WDR81: variants seen among roughly 807,000 people sequenced by gnomAD.
The protein encoded by WDR81 is WD repeat domain 81.
In WDR81, 92 loss-of-function variants were observed where a neutral mutation model predicts 140.8. That is an observed-to-expected ratio of 0.65 (90% CI 0.55 to 0.78). The LOEUF (loss-of-function observed/expected upper bound fraction) is 0.78. Among genes scored for constraint, WDR81 ranks in the 30% least tolerant of loss-of-function variants. The pLI is 0.00. For synonymous variants in WDR81, 1,183 were observed against 1,156.4 expected (o/e 1.02, Z -0.47); for missense variants, 2,502 against 2,636.4 (o/e 0.95, Z 1.12).
rs938972960 is a variant in WDR81 at position 1,737,877 on chromosome 17, A to G, written c.*192A>G. On this transcript the variant is annotated 3_prime_UTR_variant, in exon 10 of 10. Transcript: ENST00000409644. ...GGCCCCTGAATCACCAGAGCCACCA[A>G]GCCTGCCAGAGGGGTCTCATTCATG... 2 of 692,924 alleles carry G rather than the reference A, an allele frequency of 2.9e-6. No individual in the cohort carries two copies. The highest frequency in any genetic ancestry group is 4.7e-6 in the Non-Finnish European group (2 of 423,410). 42.9% of individuals were successfully genotyped at this position (692,924 alleles called of 1,614,324 possible). A position where few individuals can be genotyped will look rare whatever the true frequency, so the allele number is the denominator to read the frequency against.
chr17:1,737,787 G>C lies in WDR81; in HGVS notation c.*102G>C. On this transcript the variant is annotated 3_prime_UTR_variant, in exon 10 of 10. Transcript: ENST00000409644. Reference sequence around the variant, plus strand: ...GCAGCTCCCTCCAGGGAGGCCCTGGGTCCCACGCCCTGGGTGCCCACATGG... The same window carrying C: ...GCAGCTCCCTCCAGGGAGGCCCTGGCTCCCACGCCCTGGGTGCCCACATGG... 7.1e-7 allele frequency: 1 copy of C among 1,415,730 alleles called. No individual in the cohort carries two copies. The allele number at this position is 1,415,730 out of a possible 1,614,324, so 87.7% of individuals were successfully genotyped here.
chr17:1,733,794 C>T lies in WDR81; in HGVS notation c.4757C>T (p.Ser1586Leu), dbSNP rs138928092. ...AACCCCGGACCACTGGGCCCCATCT[C>T]GGGGGTGGGTGGCGGGGGCCTGGGC... ...PENPGPLGPI[S>L]GVGGGGLGSG... is the part of the protein sequence containing the mutation. The change falls in exon 7 of 10, where the codon TCG becomes TTG. Residue 1586 changes from serine (S) to leucine (L), a missense_variant. Ser to Leu is a moderately radical substitution (Grantham distance 145). Around this residue, in one of 3 missense-constraint regions of WDR81, gnomAD observed 1,737 missense variants for 1,843.0 expected, o/e 0.94. Coordinates refer to ENST00000409644, the MANE Select transcript of WDR81 (RefSeq NM_001163809.2). 58 of 1,612,164 alleles carry T rather than the reference C, an allele frequency of 3.6e-5. No individual in the cohort carries two copies. Among genetic ancestry groups the T allele is most frequent in the East Asian group, 1.3e-4 (6 of 44,878 alleles).
At position 1,718,016 on chromosome 17, in the gene WDR81, C is replaced by T. The variant is rs897041077; in HGVS notation, c.-124+1383C>T. Among the ~76,000 whole-genome samples, 6 of 152,222 alleles carry T rather than the reference C, an allele frequency of 3.9e-5. 1 individual carries two copies. The highest frequency in any genetic ancestry group is 2.6e-4 in the Admixed American group (4 of 15,280). ...TCAGAACGCTGCTTCTCAGGCCAGC[C>T]GCCCCCTACTTCCTACTCAAGTTGC... On this transcript the variant is annotated intron_variant, in intron 1 of 10. Transcript: ENST00000309182.
Position 1,732,448 on chromosome 17 carries a change from C to A in WDR81, c.4281C>A (p.Thr1427=). ...VQQHLSEPVA[T]FFQVFSQLHE... ...AGCACCTGAGCGAGCCCGTGGCCAC[C>A]TTTTTCCAGGTCTTCTCTCAGCTGC... The change falls in exon 5 of 10, where the codon ACC becomes ACA. Residue 1427 remains threonine, a synonymous_variant. Coordinates refer to ENST00000409644, the MANE Select transcript of WDR81 (RefSeq NM_001163809.2). 1 of 1,610,134 alleles carries A rather than the reference C, an allele frequency of 6.2e-7. No homozygotes were observed. The highest frequency in any genetic ancestry group is 1.1e-5 in the South Asian group (1 of 90,978).
At position 1,726,048 on chromosome 17, in the gene WDR81, C is replaced by T. The variant is rs1484125213; in HGVS notation, c.1089C>T (p.Leu363=). 4.5e-6 allele frequency: 7 copies of T among 1,547,356 alleles called. No homozygotes were observed. In the Admixed American group the frequency reaches 1.2e-4, roughly 26 times the overall value. The change falls in exon 1 of 10, where the codon CTC becomes CTT. Residue 363 remains leucine, a synonymous_variant. Coordinates refer to ENST00000409644, the MANE Select transcript of WDR81 (RefSeq NM_001163809.2). ...GCCGCATCAGCAACTTCCACTACCT[C>T]ATGCAGCTGAATCGGTTGGCAGGTC... ...VHGRISNFHY[L]MQLNRLAGRR...
At chr17:1,724,297 G>A (rs908354009), upstream of WDR81, among the ~76,000 whole-genome samples, 1 of 152,264 alleles carries the variant, frequency 6.6e-6, no homozygotes. Context: ...CCGGGAGGCA[G>A]AGGTTGCGGT....
chr17:1,726,717 G>C lies in WDR81; in HGVS notation c.1758G>C (p.Gln586His), dbSNP rs1197791731. Reference sequence around the variant, plus strand: ...ACGGGGTGGTGCAGCTCTTCGATCAGCCACACCCCCAGCGCCTGGCTGGGG... The same window carrying C: ...ACGGGGTGGTGCAGCTCTTCGATCACCCACACCCCCAGCGCCTGGCTGGGG... The part of the protein sequence containing the change: ...ASYGVVQLFD[Q>H]PHPQRLAGAP... The change falls in exon 1 of 10, where the codon CAG (glutamine) becomes CAC (histidine). Residue 586 changes from glutamine to histidine, a missense_variant. Gln to His is a conservative substitution (Grantham distance 24, BLOSUM62 0). This residue lies in a region of WDR81 where 1,737 missense variants were observed against 1,843.0 expected (regional missense o/e 0.94). Transcript: ENST00000409644. The C allele has an allele frequency of 6.5e-7, 1 of 1,548,580 alleles. No individual in the cohort carries two copies. The highest frequency in any genetic ancestry group is 8.7e-7 in the Non-Finnish European group (1 of 1,146,740).
intron 7 of WDR81, among the ~76,000 whole-genome samples, chr17:1,734,599 T>C (rs1904691123): frequency 1.3e-5 from 2 of 151,730 alleles, no homozygotes; most frequent in Admixed American, 1.3e-4. Flanking sequence ...GCTAACATGG[T>C]GAAACCCCGT....
intron 4 of WDR81, among the ~76,000 whole-genome samples, chr17:1,732,011 ATC>A (rs1402417731): frequency 6.6e-6 from 1 of 151,384 alleles, no homozygotes; most frequent in African/African-American, 2.4e-5. Flanking sequence ...AGGTGGGTGG[ATC>A]GCTTGAGGTC....
At chr17:1,730,030 G>A (rs1915577461) in intron 1 of WDR81, among the ~76,000 whole-genome samples, 1 of 151,374 alleles carries the variant, frequency 6.6e-6, no homozygotes, top group African/African-American at 2.4e-5. Context: ...AGAGAAGCAG[G>A]GAAAGGCCGT....
At chr17:1,731,387 CTG>C in intron 4 of WDR81, 129 bp downstream of exon 4, 1 of 1,139,444 alleles carries the variant, frequency 8.8e-7, no homozygotes, top group Non-Finnish European at 1.2e-6. Flanking sequence ...TTGATCCCGG[CTG>C]TGTGACCCTG....
intron 1 of WDR81, chr17:1,716,676 G>A (rs1914580082): frequency 1.9e-6 from 3 of 1,549,864 alleles, no homozygotes; most frequent in Non-Finnish European, 2.6e-6. Context: ...CCAGCCCGGG[G>A]AAGTCCTTAA....
At chr17:1,717,036 C>A in intron 1 of WDR81, 1 of 250,262 alleles carries the variant, frequency 4.0e-6, no homozygotes, top group Non-Finnish European at 7.8e-6. Flanking sequence ...ACAGTCCTCA[C>A]CTTAGGGTAG....
At chr17:1,724,662 G>A (rs369391306), upstream of WDR81, 29 of 1,041,450 alleles carry the variant, frequency 2.8e-5, no homozygotes, top group East Asian at 1.4e-3. Flanking sequence ...CTGGAGCCAC[G>A]TGCGCTTGTT....
In WDR81 at chr17:1,737,809, A is replaced by G. The variant is rs577423320; in HGVS notation, c.*124A>G. The G allele has an allele frequency of 4.7e-4, 591 of 1,248,476 alleles. 1 individual carries two copies. In the African/African-American group the frequency reaches 7.9e-3, roughly 17 times the overall value. 77.3% of individuals were successfully genotyped at this position (1,248,476 alleles called of 1,614,324 possible). A position where few individuals can be genotyped will look rare whatever the true frequency, so the allele number is the denominator to read the frequency against. ...TGGGTCCCACGCCCTGGGTGCCCAC[A>G]TGGCCTGCCAACTAGGGCCTGCAAA... On this transcript the variant is annotated 3_prime_UTR_variant, in exon 10 of 10. Transcript: ENST00000409644.
chr17:1,735,646 CA>C lies in WDR81; in HGVS notation c.5255del (p.His1752ProfsTer33), dbSNP rs1345873532. On this transcript the variant is annotated frameshift_variant, in exon 8 of 10. Coordinates refer to ENST00000409644, the MANE Select transcript of WDR81 (RefSeq NM_001163809.2). LOFTEE classifies it high-confidence loss of function. This position sits in a 1 kb window ranked among gnomAD's most constrained non-coding sequence, Gnocchi z 4.2. Reference sequence around the variant, plus strand: ...TGCGGTGGCTGTCATGCCCGCCCCCCACACCAGCATCACCATGGCCAGCTCT... The same window carrying C: ...TGCGGTGGCTGTCATGCCCGCCCCCCCACCAGCATCACCATGGCCAGCTCT... ...LTAVAVMPAP[H>X]TSITMASSDS... 6.2e-7 allele frequency: 1 copy of C among 1,612,978 alleles called. No homozygotes were observed.
rs1169962518 is a variant in WDR81 at position 1,737,730 on chromosome 17, G to A, written c.*45G>A. ...GGGCAAGGGTGGGAAGACATCTGCG[G>A]GCGCGTGTCCACTCACCCTGTTCCC... On this transcript the variant is annotated 3_prime_UTR_variant, in exon 10 of 10. Transcript: ENST00000409644. The A allele has an allele frequency of 6.5e-7, 1 of 1,549,902 alleles. No individual in the cohort carries two copies.
chr17:1,720,110 G>A (rs1914783883), upstream of WDR81, among the ~76,000 whole-genome samples: 2 of 152,148 alleles, frequency 1.3e-5, no homozygotes, highest in African/African-American at 4.8e-5. Flanking sequence ...CTGCCACACT[G>A]GTCCGCAGCT....
chr17:1,725,857 C>T lies in WDR81; in HGVS notation c.898C>T (p.Arg300Ter). 1 of 1,550,644 alleles carries T rather than the reference C, an allele frequency of 6.4e-7. No homozygotes were observed. The highest frequency in any genetic ancestry group is 8.7e-7 in the Non-Finnish European group (1 of 1,146,824). The change falls in exon 1 of 10, where the codon CGA becomes TGA. Residue 300 changes from arginine (R) to a stop codon, truncating the protein, a stop_gained. Transcript: ENST00000409644. LOFTEE classifies it high-confidence loss of function. ...AVDEKLCSEL[R>*]LDLSAYERPE... ...GGATGAGAAGCTTTGCAGCGAGCTG[C>T]GACTGGACCTGAGTGCTTATGAGAG...
Sources: allele counts gnomAD v4.1 joint callset (sites outside exome capture counted in the v4.1 genomes callset), GRCh38; gene constraint gnomAD v4.1.1; regional missense constraint gnomAD v4.1.1; non-coding constraint Gnocchi (gnomAD v3.1); transcripts MANE v1.5; gene names NCBI Gene and HGNC (gene_info 2026-07-23, HGNC 2026-07-21).